CAPN3: variants seen among roughly 807,000 people sequenced by gnomAD.
CAPN3 encodes the protein calpain 3.
Under a neutral mutation model 114.0 loss-of-function variants are expected in CAPN3, and 88 were observed. That is an observed-to-expected ratio of 0.77 (90% CI 0.65 to 0.92). The LOEUF is 0.92. Among genes scored for constraint, CAPN3 ranks in the 40% least tolerant of loss-of-function variants. The probability of loss-of-function intolerance (pLI) is 0.00; values close to 1 mark genes in which losing one functional copy is unlikely to be tolerated. For missense variants in CAPN3, 1,028 were observed against 1,069.0 expected, an observed-to-expected ratio of 0.96 and a Z score of 0.53; for synonymous variants, 386 against 382.9, an observed-to-expected ratio of 1.01 and a Z score of -0.09.
rs1235487157 is a variant in CAPN3 at position 42,395,720 on chromosome 15, AAGTGG to A, written c.1116-1078_1116-1074del. ...TGCTGCCATCACAGGGGCTGGAGAC[AAGTGG>A]ACCCAACGCTGTTCACTCAAGGAGA... On this transcript the variant is annotated intron_variant, in intron 8 of 23. Coordinates refer to ENST00000397163, the MANE Select transcript of CAPN3 (RefSeq NM_000070.3). Among the ~76,000 whole-genome samples the A allele has an allele frequency of 4.6e-5, 7 of 152,162 alleles. No homozygotes were observed. In the East Asian group the frequency reaches 1.3e-3, roughly 29 times the overall value.
chr15:42,381,999 A>T (rs1365436280), intron 1 of CAPN3, among the ~76,000 whole-genome samples: 1 of 152,120 alleles, frequency 6.6e-6, no homozygotes, highest in Non-Finnish European at 1.5e-5. Context: ...TGTATTAGAA[A>T]AGTTTGCCCA....
chr15:42,371,630 C>A (rs1046337380), intron 1 of CAPN3, among the ~76,000 whole-genome samples: 1 of 152,032 alleles, frequency 6.6e-6, no homozygotes, highest in Non-Finnish European at 1.5e-5. Context: ...GTTACAGATA[C>A]CTTCTCCCAC....
intron 8 of CAPN3, among the ~76,000 whole-genome samples, chr15:42,395,491 G>T (rs976865355): frequency 5.3e-5 from 8 of 152,196 alleles, no homozygotes; most frequent in African/African-American, 1.9e-4. Flanking sequence ...CAAAGAGGGG[G>T]CCTCTGCACC....
At chr15:42,364,598 A>G (rs2052731730) in intron 1 of CAPN3, among the ~76,000 whole-genome samples, 1 of 152,168 alleles carries the variant, frequency 6.6e-6, no homozygotes, top group Non-Finnish European at 1.5e-5. Flanking sequence ...TGGGCAGGGG[A>G]CTGCTTGTCC....
intron 7 of CAPN3, 114 bp from the exon 8 acceptor site, chr15:42,394,141 AG>A: frequency 1.0e-6 from 1 of 956,118 alleles, no homozygotes. Flanking sequence ...AGAGCCAGGC[AG>A]AACACCCTCG....
At chr15:42,409,734 G>A (rs780902619) in intron 17 of CAPN3, 53 bp from the exon 18 acceptor site, 61 of 1,488,326 alleles carry the variant, frequency 4.1e-5, no homozygotes, top group Non-Finnish European at 5.1e-5. Context: ...AAGTGTCCGC[G>A]CCAGGAGCTG....
At chr15:42,371,043 A>G (rs1027427715) in intron 1 of CAPN3, among the ~76,000 whole-genome samples, 1 of 152,182 alleles carries the variant, frequency 6.6e-6, no homozygotes, top group African/African-American at 2.4e-5. Context: ...TCCTACTTTC[A>G]TAGAGTTGTT....
At chr15:42,370,231 A>G (rs989397149) in intron 1 of CAPN3, among the ~76,000 whole-genome samples, 6 of 152,084 alleles carry the variant, frequency 3.9e-5, no homozygotes, top group African/African-American at 1.2e-4. Context: ...CTCTTGCTCT[A>G]ATGACCTCTT....
At chr15:42,397,513 G>A (rs930197605) in intron 9 of CAPN3, among the ~76,000 whole-genome samples, 2 of 152,046 alleles carry the variant, frequency 1.3e-5, no homozygotes, top group Admixed American at 6.5e-5. Context: ...GCGTGGCAGC[G>A]TGCGCCTGTA....
Position 42,391,475 on chromosome 15 carries a change from G to A in CAPN3, c.946-1164G>A, listed in dbSNP as rs145405031. Among the ~76,000 whole-genome samples, 427 of 152,282 alleles carry A rather than the reference G, an allele frequency of 2.8e-3. 2 individuals carry two copies. Among genetic ancestry groups the A allele is most frequent in the Middle Eastern group, 0.017 (5 of 294 alleles). On this transcript the variant is annotated intron_variant, in intron 6 of 23. Coordinates refer to ENST00000397163, the MANE Select transcript of CAPN3 (RefSeq NM_000070.3). The stretch of plus-strand genomic sequence containing the variant: ...CAGCATGATCTGGATCATGAGGACT[G>A]AGATCTGGAAGAGACTGAGATCTGG...
intron 23 of CAPN3, 48 bp from the exon 24 acceptor site, chr15:42,411,699 G>A (rs201958990): frequency 4.9e-6 from 4 of 819,020 alleles, no homozygotes; most frequent in Admixed American, 4.1e-5. Flanking sequence ...GGGGGGGGGG[G>A]GGGTCACTCT....
intron 1 of CAPN3, among the ~76,000 whole-genome samples, chr15:42,370,703 G>A (rs1398715976): frequency 6.6e-6 from 1 of 150,572 alleles, no homozygotes; most frequent in Non-Finnish European, 1.5e-5. Flanking sequence ...AGTCACATAA[G>A]TAAGTCACAT....
chr15:42,398,681 G>T (rs554372130), intron 9 of CAPN3, among the ~76,000 whole-genome samples: 7 of 126,922 alleles, frequency 5.5e-5, no homozygotes, highest in African/African-American at 2.1e-4. Flanking sequence ...ACACACACAC[G>T]TCTGTATATA....
In CAPN3 at chr15:42,380,753, T is replaced by TATA. The variant is rs1566972340; in HGVS notation, c.310-3730_310-3729insATA. ...CATATATATATATATATATATATATTTTTTTTTTTTTTTTTTTTGTAAAGA... is the reference window on the plus strand; with the variant it reads ...CATATATATATATATATATATATATTATATTTTTTTTTTTTTTTTTTGTAAAGA... On this transcript the variant is annotated intron_variant, in intron 1 of 23. Transcript: ENST00000397163. 9.9e-4 allele frequency among the ~76,000 whole-genome samples: 44 copies of TATA among 44,240 alleles called. No homozygotes were observed. The South Asian group carries it at 0.011, about 11-fold the overall frequency. The allele number at this position is 44,240 out of a possible 152,430, so 29.0% of individuals were successfully genotyped here. A position where few individuals can be genotyped will look rare whatever the true frequency, so the allele number is the denominator to read the frequency against.
intron 15 of CAPN3, 55 bp from the exon 16 acceptor site, chr15:42,408,156 G>A (rs1313095673): frequency 6.0e-6 from 7 of 1,163,004 alleles, no homozygotes; most frequent in Admixed American, 1.7e-5. Context: ...GCCTCAGTGT[G>A]CCTGTTCAGA....
intron 1 of CAPN3, chr15:42,374,154 A>G (rs28364383): frequency 0.053 from 7,981 of 151,768 alleles, 646 homozygotes; most frequent in African/African-American, 0.17. Context: ...GACTCTGACC[A>G]TGCATGGTGC....
chr15:42,396,665 G>C (rs927207302), intron 8 of CAPN3, 135 bp from the exon 9 acceptor site: 13 of 712,962 alleles, frequency 1.8e-5, no homozygotes, highest in Admixed American at 1.8e-4. Context: ...TTCACACTGA[G>C]GTTAACAGGT....
chr15:42,387,157 T>G (rs2053427763), intron 3 of CAPN3, among the ~76,000 whole-genome samples: 1 of 152,254 alleles, frequency 6.6e-6, no homozygotes, highest in Non-Finnish European at 1.5e-5. Flanking sequence ...AGGGAGAAAG[T>G]GCCATTGAAA....
In CAPN3 at chr15:42,412,024, G is replaced by A; in HGVS notation, c.*251G>A. On this transcript the variant is annotated 3_prime_UTR_variant, in exon 24 of 24. Transcript: ENST00000397163. Reference sequence around the variant, plus strand: ...GTCCCTTTGCCATGTGGAGGAAAGTGCCTGCCTCTGGTCCGAGCCGCCTCG... The same window carrying A: ...GTCCCTTTGCCATGTGGAGGAAAGTACCTGCCTCTGGTCCGAGCCGCCTCG... 6.6e-7 allele frequency: 1 copy of A among 1,510,094 alleles called. No individual in the cohort carries two copies. The highest frequency in any genetic ancestry group is 8.8e-7 in the Non-Finnish European group (1 of 1,133,588). 93.5% of individuals were successfully genotyped at this position (1,510,094 alleles called of 1,614,324 possible). A position where few individuals can be genotyped will look rare whatever the true frequency, so the allele number is the denominator to read the frequency against.
Sources: allele counts gnomAD v4.1 joint callset (sites outside exome capture counted in the v4.1 genomes callset), GRCh38; gene constraint gnomAD v4.1.1; transcripts MANE v1.5; gene names NCBI Gene and HGNC (gene_info 2026-07-23, HGNC 2026-07-21).